Variants in SORCS3 observed in about 807,000 individuals in gnomAD.
SORCS3 encodes sortilin related VPS10 domain containing receptor 3.
SORCS3 carries 57 observed loss-of-function variants against 146.3 expected under a neutral mutation model. The ratio of observed to expected loss-of-function variants is 0.39; its 90% CI spans 0.31 to 0.49. SORCS3 has a LOEUF of 0.49. Ranked by LOEUF, SORCS3 falls within the 20% of genes least tolerant of loss-of-function variation. SORCS3 has a pLI of 0.92. For synonymous variants in SORCS3, 653 were observed against 618.5 expected, an observed-to-expected ratio of 1.06 and a Z score of -0.83; for missense variants, 1,341 against 1,575.5, an observed-to-expected ratio of 0.85 and a Z score of 2.52.
chr10:104,769,424 A>G (rs1444336480), intron 1 of SORCS3, among the ~76,000 whole-genome samples: 1 of 152,230 alleles, frequency 6.6e-6, no homozygotes, highest in Non-Finnish European at 1.5e-5. Context: ...GGAGGACCAC[A>G]GTGAACATTC....
chr10:105,233,113 T>C (rs901955674), intron 20 of SORCS3, among the ~76,000 whole-genome samples: 1 of 146,038 alleles, frequency 6.8e-6, no homozygotes, highest in East Asian at 2.0e-4. Flanking sequence ...ACTCATACTT[T>C]AAAAAAAAAA....
chr10:104,799,142 C>T (rs1042131364), intron 1 of SORCS3, among the ~76,000 whole-genome samples: 5 of 152,158 alleles, frequency 3.3e-5, no homozygotes, highest in Non-Finnish European at 5.9e-5. Flanking sequence ...GTGGCGATTC[C>T]TCAAGGATCT....
intron 3 of SORCS3, among the ~76,000 whole-genome samples, chr10:104,957,992 T>C (rs957401324): frequency 1.1e-4 from 16 of 151,994 alleles, no homozygotes; most frequent in African/African-American, 3.9e-4. Context: ...CCCATAAAAG[T>C]AGGATGATGG....
chr10:105,166,436 G>T (rs1025530735), intron 12 of SORCS3, among the ~76,000 whole-genome samples: 1 of 152,144 alleles, frequency 6.6e-6, no homozygotes, highest in Non-Finnish European at 1.5e-5. Context: ...TAGTTTTCCT[G>T]TTTAAGGTTG....
chr10:105,082,409 A>G (rs1488671110), intron 5 of SORCS3, among the ~76,000 whole-genome samples: 1 of 152,260 alleles, frequency 6.6e-6, no homozygotes. Context: ...CCGTCCTTCA[A>G]ATAGAAAATA....
intron 1 of SORCS3, among the ~76,000 whole-genome samples, chr10:104,803,818 T>C (rs1375311490): frequency 2.0e-5 from 3 of 152,208 alleles, no homozygotes; most frequent in Non-Finnish European, 4.4e-5. Flanking sequence ...GATCATTTTC[T>C]CCTCCAGCTC....
chr10:105,031,322 C>T (rs1311885249), intron 4 of SORCS3, among the ~76,000 whole-genome samples: 2 of 112,622 alleles, frequency 1.8e-5, no homozygotes, highest in Non-Finnish European at 3.7e-5. Context: ...AAACAACACA[C>T]ACACACACAA....
intron 7 of SORCS3, among the ~76,000 whole-genome samples, chr10:105,113,170 C>T (rs1573137): frequency 0.19 from 29,295 of 152,158 alleles, 3,038 homozygotes; most frequent in Admixed American, 0.24. Flanking sequence ...GTTTGAAAAT[C>T]ACTGACTTTT....
chr10:104,854,264 C>G (rs892474395), intron 2 of SORCS3, among the ~76,000 whole-genome samples: 7 of 152,044 alleles, frequency 4.6e-5, no homozygotes, highest in Non-Finnish European at 8.8e-5. Context: ...CCCAACCCAT[C>G]CCCACACTAA....
At chr10:104,798,757 C>T (rs951146160) in intron 1 of SORCS3, among the ~76,000 whole-genome samples, 1 of 152,104 alleles carries the variant, frequency 6.6e-6, no homozygotes, top group Non-Finnish European at 1.5e-5. Context: ...TTAGAGTGAA[C>T]AGGCAACCTA....
intron 20 of SORCS3, among the ~76,000 whole-genome samples, chr10:105,228,664 A>T (rs1458076360): frequency 6.6e-6 from 1 of 152,078 alleles, no homozygotes; most frequent in African/African-American, 2.4e-5. Context: ...CTGTTTGAAT[A>T]TGTCATCCTA....
chr10:105,223,338 A>AATGCAG (rs1201039841), intron 20 of SORCS3, 89 bp downstream of exon 20: 5 of 1,317,374 alleles, frequency 3.8e-6, no homozygotes, highest in Non-Finnish European at 4.1e-6. Context: ...GGGCACTGAG[A>AATGCAG]ATGCAGGCAA....
intron 7 of SORCS3, among the ~76,000 whole-genome samples, chr10:105,131,693 T>C (rs1486974377): frequency 6.6e-6 from 1 of 152,112 alleles, no homozygotes; most frequent in African/African-American, 2.4e-5. Context: ...AGCATGATGC[T>C]TGGCTTCTAG....
intron 1 of SORCS3, among the ~76,000 whole-genome samples, chr10:104,812,146 G>A (rs912326614): frequency 1.1e-4 from 17 of 152,214 alleles, no homozygotes; most frequent in Non-Finnish European, 2.4e-4. Flanking sequence ...GAACTCTCCT[G>A]TTCAGTGGTA....
intron 2 of SORCS3, among the ~76,000 whole-genome samples, chr10:104,843,227 C>CA (rs2018163674): frequency 1.3e-5 from 2 of 152,036 alleles, no homozygotes; most frequent in South Asian, 4.2e-4. Context: ...GTGTCTTGGC[C>CA]AAAGGACTGC....
At chr10:105,111,350 G>T (rs1301286066) in intron 7 of SORCS3, among the ~76,000 whole-genome samples, 1 of 152,142 alleles carries the variant, frequency 6.6e-6, no homozygotes, top group Admixed American at 6.6e-5. Context: ...AAAAGGAATA[G>T]GACTGTGTGT....
At chr10:105,234,336 T>G (rs186761605) in intron 20 of SORCS3, among the ~76,000 whole-genome samples, 1 of 152,148 alleles carries the variant, frequency 6.6e-6, no homozygotes, top group Admixed American at 6.5e-5. Context: ...TTTTTGTAGT[T>G]TGAAAATGAT....
At chr10:104,657,748 T>C (rs1279846421) in intron 1 of SORCS3, among the ~76,000 whole-genome samples, 1 of 152,218 alleles carries the variant, frequency 6.6e-6, no homozygotes, top group African/African-American at 2.4e-5. Context: ...TTGTTGGAGT[T>C]GAAATCAATT....
chr10:105,082,847 C>T (rs889975959), intron 5 of SORCS3, among the ~76,000 whole-genome samples: 11 of 152,184 alleles, frequency 7.2e-5, no homozygotes, highest in Non-Finnish European at 1.5e-4. Flanking sequence ...TCTCCTGCCT[C>T]AGCCTCCTGA....
Sources: allele counts gnomAD v4.1 joint callset (sites outside exome capture counted in the v4.1 genomes callset), GRCh38; gene constraint gnomAD v4.1.1; transcripts MANE v1.5; gene names NCBI Gene and HGNC (gene_info 2026-07-23, HGNC 2026-07-21).